Variants in SYT16 observed in about 807,000 individuals in gnomAD.
SYT16 encodes the protein synaptotagmin-16.
A neutral mutation model predicts 61.4 loss-of-function variants in SYT16; 42 were observed. That is an observed-to-expected ratio of 0.68 (90% CI 0.53 to 0.89). The LOEUF (loss-of-function observed/expected upper bound fraction) is 0.89, where lower values mean the gene tolerates loss of function less well. SYT16 is among the 40% of genes least tolerant of loss of function. The probability of loss-of-function intolerance (pLI) is 0.00; values close to 1 mark genes in which losing one functional copy is unlikely to be tolerated. For missense variants in SYT16, 804 were observed against 807.3 expected (o/e 1.00, Z 0.05); for synonymous variants, 314 against 302.3 (o/e 1.04, Z -0.40).
intron 1 of SYT16, among the ~76,000 whole-genome samples, chr14:61,855,309 A>T (rs907311555): frequency 6.6e-6 from 1 of 152,184 alleles, no homozygotes; most frequent in African/African-American, 2.4e-5. Context: ...ATGTATACAG[A>T]TGCTCCTTGA....
chr14:61,934,632 T>C (rs534995036), intron 1 of SYT16, among the ~76,000 whole-genome samples: 13 of 152,324 alleles, frequency 8.5e-5, no homozygotes, highest in African/African-American at 3.1e-4. Flanking sequence ...CCAAAAGCGT[T>C]GGATGCAGCA....
upstream of SYT16, chr14:61,812,263 C>A (rs1000900915): frequency 2.0e-5 from 3 of 152,464 alleles, no homozygotes; most frequent in African/African-American, 7.2e-5. Context: ...CCCCACACCC[C>A]TAGCTCTTCT....
Position 61,996,093 on chromosome 14 carries a change from A to T in SYT16, c.74A>T (p.Tyr25Phe). 6.2e-7 allele frequency: 1 copy of T among 1,612,870 alleles called. No individual in the cohort carries two copies. The highest frequency in any genetic ancestry group is 8.5e-7 in the Non-Finnish European group (1 of 1,179,340). The change falls in exon 3 of 8, where the codon TAT (tyrosine) becomes TTT (phenylalanine). Residue 25 changes from tyrosine to phenylalanine, a missense_variant. By Grantham distance (22) the Tyr-to-Phe change is conservative. Transcript: ENST00000683842. ...TTCTCTTCCTGGATATCTCGGGTTT[A>T]TGAAGCTCTCCAGCAAGCAGGAGAT... Reference protein sequence around the residue: ...QPFSSWISRVYEALQQAGDML... With the variant: ...QPFSSWISRVFEALQQAGDML...
At chr14:61,857,427 A>G (rs763046726) in intron 1 of SYT16, among the ~76,000 whole-genome samples, 4 of 152,218 alleles carry the variant, frequency 2.6e-5, no homozygotes, top group Non-Finnish European at 5.9e-5. Context: ...CCCAGGGAAC[A>G]TGACATGTAC....
At chr14:61,907,374 T>C (rs2023211) in intron 1 of SYT16, among the ~76,000 whole-genome samples, 26,532 of 152,228 alleles carry the variant, frequency 0.17, 2,740 homozygotes, top group East Asian at 0.33. Context: ...TTAATTATCT[T>C]TTTGCCATGT....
At chr14:62,083,868 T>A (rs553112962) in intron 6 of SYT16, among the ~76,000 whole-genome samples, 1 of 152,268 alleles carries the variant, frequency 6.6e-6, no homozygotes, top group African/African-American at 2.4e-5. Flanking sequence ...GGGGGGAATT[T>A]GAGTCTATAT....
chr14:62,055,968 A>G (rs1445027084), intron 3 of SYT16, among the ~76,000 whole-genome samples: 1 of 151,978 alleles, frequency 6.6e-6, no homozygotes, highest in African/African-American at 2.4e-5. Context: ...TTGGAGTCCG[A>G]CGTTCAAGGG....
intron 2 of SYT16, among the ~76,000 whole-genome samples, chr14:61,995,242 A>G (rs939933350): frequency 1.3e-5 from 2 of 152,082 alleles, no homozygotes; most frequent in Non-Finnish European, 2.9e-5. Flanking sequence ...GTGGAGAGCT[A>G]TCTATCTTCG....
intron 1 of SYT16, among the ~76,000 whole-genome samples, chr14:61,818,109 GATA>G (rs1469688403): frequency 1.3e-5 from 2 of 152,158 alleles, no homozygotes; most frequent in Non-Finnish European, 2.9e-5. Context: ...GTTGTGAAGT[GATA>G]ATGTTAACAA....
At chr14:61,992,406 A>G (rs1298974382) in intron 2 of SYT16, among the ~76,000 whole-genome samples, 3 of 152,134 alleles carry the variant, frequency 2.0e-5, no homozygotes, top group African/African-American at 7.2e-5. Flanking sequence ...CAGCTCAGAC[A>G]GCTAGGTATT....
At chr14:62,085,446 G>A (rs1228580258) in intron 7 of SYT16, among the ~76,000 whole-genome samples, 1 of 152,166 alleles carries the variant, frequency 6.6e-6, no homozygotes, top group Admixed American at 6.5e-5. Flanking sequence ...TGCCCACCAT[G>A]GGCACCAAAC....
chr14:61,888,769 T>TAA (rs35694977), intron 1 of SYT16, among the ~76,000 whole-genome samples: 199 of 104,290 alleles, frequency 1.9e-3, no homozygotes, highest in African/African-American at 6.1e-3. Context: ...CTTCAATTTG[T>TAA]AAAAAAAAAA....
At chr14:62,084,670 A>G (rs1002847045) in intron 7 of SYT16, among the ~76,000 whole-genome samples, 10 of 152,210 alleles carry the variant, frequency 6.6e-5, no homozygotes, top group African/African-American at 1.9e-4. Flanking sequence ...TGTATGGGCA[A>G]TTAAAATCTG....
intron 3 of SYT16, among the ~76,000 whole-genome samples, chr14:62,049,747 G>A (rs150306287): frequency 1.2e-3 from 185 of 152,258 alleles, no homozygotes; most frequent in African/African-American, 4.3e-3. Context: ...GCTTAGTTTG[G>A]CAGAATATGA....
Position 62,106,427 on chromosome 14 carries a change from T to C in SYT16, c.*5720T>C, listed in dbSNP as rs1054115263. 1.3e-5 allele frequency: 2 copies of C among 152,030 alleles called. No homozygotes were observed. Among genetic ancestry groups the C allele is most frequent in the African/African-American group, 4.8e-5 (2 of 41,380 alleles). The allele number at this position is 152,030 out of a possible 1,614,324, so 9.4% of individuals were successfully genotyped here. A position where few individuals can be genotyped will look rare whatever the true frequency, so the allele number is the denominator to read the frequency against. On this transcript the variant is annotated 3_prime_UTR_variant, in exon 8 of 8. Coordinates refer to ENST00000683842, the MANE Select transcript of SYT16 (RefSeq NM_001367656.1). ...TATGGGAAATTGGTGGGGATGGGGGTGTCATAGAATCATCATCTTTGGAAG... is the reference window on the plus strand; with the variant it reads ...TATGGGAAATTGGTGGGGATGGGGGCGTCATAGAATCATCATCTTTGGAAG...
intron 3 of SYT16, among the ~76,000 whole-genome samples, chr14:62,055,710 G>A (rs2055523599): frequency 6.6e-6 from 1 of 152,178 alleles, no homozygotes; most frequent in African/African-American, 2.4e-5. Context: ...AGGACAACTT[G>A]GGGCTGATAT....
chr14:62,061,603 A>G (rs2055828139), intron 3 of SYT16, among the ~76,000 whole-genome samples: 1 of 152,188 alleles, frequency 6.6e-6, no homozygotes, highest in Admixed American at 6.5e-5. Flanking sequence ...AGTTACATTA[A>G]TATCAGACAA....
At chr14:61,876,690 C>G (rs2047508089) in intron 1 of SYT16, among the ~76,000 whole-genome samples, 1 of 152,096 alleles carries the variant, frequency 6.6e-6, no homozygotes, top group South Asian at 2.1e-4. Flanking sequence ...TCCTTGTACC[C>G]AAAAAGAACA....
At chr14:61,906,763 GTCAATCCATCCA>G (rs2048732681) in intron 1 of SYT16, among the ~76,000 whole-genome samples, 1 of 133,352 alleles carries the variant, frequency 7.5e-6, no homozygotes, top group Non-Finnish European at 1.6e-5. Flanking sequence ...CCGTCCGTCC[GTCAATCCATCCA>G]TCCGTCCGTC....
Sources: allele counts gnomAD v4.1 joint callset (sites outside exome capture counted in the v4.1 genomes callset), GRCh38; gene constraint gnomAD v4.1.1; transcripts MANE v1.5; gene names NCBI Gene and HGNC (gene_info 2026-07-23, HGNC 2026-07-21).